FAM220A: variants seen among roughly 807,000 people sequenced by gnomAD.
The protein encoded by FAM220A is family with sequence similarity 220 member A, also known as protein FAM220A.
For synonymous variants in FAM220A, 141 were observed against 130.7 expected, an observed-to-expected ratio of 1.08 and a Z score of -0.54; for missense variants, 392 against 321.6, an observed-to-expected ratio of 1.22 and a Z score of -1.68.
At position 6,339,490 on chromosome 7, in the gene FAM220A, GT is replaced by G. The variant is rs370591012; in HGVS notation, c.-81-8256del. On this transcript the variant is annotated intron_variant, in intron 1 of 1. Transcript: ENST00000313324. ...AAACCAGCTGTGTACCCCTTTTTTT[GT>G]TTTTTTTTTTGAGACGGAGTCTCGC... Among the ~76,000 whole-genome samples the G allele has an allele frequency of 6.6e-4, 97 of 145,952 alleles. 1 individual carries two copies. The highest frequency in any genetic ancestry group is 3.5e-3 in the Middle Eastern group (1 of 282).
intron 1 of FAM220A, chr7:6,342,041 C>T (rs540634279): frequency 3.9e-5 from 6 of 152,102 alleles, no homozygotes; most frequent in South Asian, 2.1e-4. Flanking sequence ...ATTCAAGATT[C>T]TAAAGATTTT....
Position 6,330,565 on chromosome 7 carries a change from T to A in FAM220A, c.590A>T (p.His197Leu), listed in dbSNP as rs766419414. Reference sequence around the variant, plus strand: ...ACTCAGGAGCACTTCGGGATACACGTGCAGCGTTGCAGACAGGATGGAGTG... The same window carrying A: ...ACTCAGGAGCACTTCGGGATACACGAGCAGCGTTGCAGACAGGATGGAGTG... Reference protein sequence around the residue: ...CLHSILSATLHVYPEVLLSEE... With the variant: ...CLHSILSATLLVYPEVLLSEE... The change falls in exon 2 of 2, where the codon CAC becomes CTC. Residue 197 changes from histidine to leucine, a missense_variant. Transcript: ENST00000313324. 6 of 1,614,186 alleles carry A rather than the reference T, an allele frequency of 3.7e-6. No homozygotes were observed. The highest frequency in any genetic ancestry group is 5.1e-6 in the Non-Finnish European group (6 of 1,180,034).
intron 1 of FAM220A, among the ~76,000 whole-genome samples, chr7:6,333,991 C>T (rs1781695587): frequency 3.3e-5 from 5 of 151,290 alleles, no homozygotes; most frequent in Admixed American, 6.6e-5. Context: ...GGACTACAGG[C>T]ACCCGCCACC....
chr7:6,340,344 CA>C (rs1781827672), intron 1 of FAM220A, among the ~76,000 whole-genome samples: 1 of 152,126 alleles, frequency 6.6e-6, no homozygotes, highest in East Asian at 1.9e-4. Flanking sequence ...CAGGGAAGGA[CA>C]AAACGCTGCT....
intron 1 of FAM220A, among the ~76,000 whole-genome samples, chr7:6,332,113 GAA>G (rs35433559): frequency 0.017 from 2,157 of 129,086 alleles, 49 homozygotes; most frequent in African/African-American, 0.056. Flanking sequence ...CCATCTCACG[GAA>G]AAAAAAAAAA....
chr7:6,340,102 C>T (rs556822560), intron 1 of FAM220A, among the ~76,000 whole-genome samples: 2 of 152,110 alleles, frequency 1.3e-5, no homozygotes, highest in South Asian at 4.2e-4. Context: ...CCAGGCTGGT[C>T]TCAAACTCCT....
At chr7:6,348,425 C>A (rs1198282994) in intron 1 of FAM220A, 148 bp downstream of exon 1, 2 of 396,100 alleles carry the variant, frequency 5.0e-6, no homozygotes, top group East Asian at 7.2e-5. Context: ...CTCAGTGGAT[C>A]TCCCCAAAGT....
chr7:6,342,182 CCTTT>C (rs1433325499), intron 1 of FAM220A, among the ~76,000 whole-genome samples: 1 of 152,070 alleles, frequency 6.6e-6, no homozygotes, highest in African/African-American at 2.4e-5. Context: ...CATTTTCTTT[CCTTT>C]CTTTTTTCTT....
In FAM220A at chr7:6,330,474, G is replaced by T; in HGVS notation, c.681C>A (p.Phe227Leu). Reference protein sequence around the residue: ...KPMFSKQTIEFKKMLKSTSDG... With the variant: ...KPMFSKQTIELKKMLKSTSDG... ...CTGAGGTGCTTTTAAGCATTTTCTT[G>T]AATTCTATTGTTTGCTTTGAAAACA... The change falls in exon 2 of 2, where the codon TTC (phenylalanine) becomes TTA (leucine). Residue 227 changes from phenylalanine (F) to leucine (L), a missense_variant. Phe to Leu is a conservative substitution (Grantham distance 22, BLOSUM62 0). Coordinates refer to ENST00000313324, the MANE Select transcript of FAM220A (RefSeq NM_001037163.2). The T allele has an allele frequency of 6.2e-7, 1 of 1,614,126 alleles. No individual in the cohort carries two copies. The highest frequency in any genetic ancestry group is 1.1e-5 in the South Asian group (1 of 91,078).
At chr7:6,347,030 GAA>G (rs1781964864) in intron 1 of FAM220A, among the ~76,000 whole-genome samples, 1 of 152,136 alleles carries the variant, frequency 6.6e-6, no homozygotes, top group Non-Finnish European at 1.5e-5. Context: ...CCTTCCACTA[GAA>G]AAAGTCATCT....
chr7:6,331,591 G>A lies in FAM220A; in HGVS notation c.-81-356C>T, dbSNP rs116161946. Among the ~76,000 whole-genome samples, 1,105 of 152,170 alleles carry A rather than the reference G, an allele frequency of 7.3e-3. 12 individuals carry two copies. The highest frequency in any genetic ancestry group is 0.025 in the African/African-American group (1,051 of 41,544). On this transcript the variant is annotated intron_variant, in intron 1 of 1. Transcript: ENST00000313324. ...GAGACAAGGTTTCACCAAGTTAGCTGGGATGGTCTCCATCTCCTGACCTCA... is the reference window on the plus strand; with the variant it reads ...GAGACAAGGTTTCACCAAGTTAGCTAGGATGGTCTCCATCTCCTGACCTCA...
chr7:6,340,846 C>T (rs1781838749), intron 1 of FAM220A, among the ~76,000 whole-genome samples: 1 of 144,600 alleles, frequency 6.9e-6, no homozygotes, highest in African/African-American at 2.6e-5. Flanking sequence ...TGGCAGTGAG[C>T]CGAGATGGCG....
chr7:6,347,067 CTG>C (rs961434587), intron 1 of FAM220A, among the ~76,000 whole-genome samples: 2 of 152,182 alleles, frequency 1.3e-5, no homozygotes, highest in African/African-American at 4.8e-5. Flanking sequence ...TGGGTTCTGA[CTG>C]TAATCCTAGT....
At chr7:6,340,595 T>G (rs1217256981) in intron 1 of FAM220A, among the ~76,000 whole-genome samples, 4 of 151,808 alleles carry the variant, frequency 2.6e-5, no homozygotes, top group Non-Finnish European at 5.9e-5. Context: ...GGAGGGCAGG[T>G]TGACAATGAC....
In FAM220A at chr7:6,334,437, G is replaced by A. The variant is rs571066947; in HGVS notation, c.-81-3202C>T. Among the ~76,000 whole-genome samples the A allele has an allele frequency of 1.5e-3, 235 of 151,938 alleles. 1 individual carries two copies. Among genetic ancestry groups the A allele is most frequent in the Non-Finnish European group, 2.6e-3 (176 of 67,984 alleles). ...TGTAGTCCCTGCTACTCGGGAGGGT[G>A]AGGCAGGAGAACAGCTTGAGTCCCA... On this transcript the variant is annotated intron_variant, in intron 1 of 1. Transcript: ENST00000313324.
Position 6,330,826 on chromosome 7 carries a change from G to A in FAM220A, c.329C>T (p.Pro110Leu), listed in dbSNP as rs1158525717. Residue 110 changes from proline to leucine, a missense_variant, in exon 2 of 2, where the codon CCA becomes CTA. Pro to Leu is a moderately conservative substitution (Grantham distance 98). Transcript: ENST00000313324. The stretch of plus-strand genomic sequence containing the variant: ...GGACACCCGAGCAAAACACTCTGTT[G>A]GAGCAGGGAACAAACCCACGGCTGT... ...PSTAVGLFPAPTECFARVSCS... is the reference protein window; with the variant it reads ...PSTAVGLFPALTECFARVSCS... 3 of 1,614,200 alleles carry A rather than the reference G, an allele frequency of 1.9e-6. No individual in the cohort carries two copies. Among genetic ancestry groups the A allele is most frequent in the Non-Finnish European group, 8.5e-7 (1 of 1,180,042 alleles).
intron 1 of FAM220A, among the ~76,000 whole-genome samples, chr7:6,337,540 G>A (rs1220067425): frequency 6.6e-6 from 1 of 151,664 alleles, no homozygotes; most frequent in Non-Finnish European, 1.5e-5. Context: ...TCAGAAAGGT[G>A]AAACATTTCT....
intron 1 of FAM220A, among the ~76,000 whole-genome samples, chr7:6,345,702 G>A (rs944267378): frequency 7.2e-5 from 11 of 152,066 alleles, no homozygotes; most frequent in Non-Finnish European, 1.3e-4. Context: ...GCCAAATACA[G>A]CCTGTAGACA....
At position 6,330,737 on chromosome 7, in the gene FAM220A, C is replaced by A. The variant is rs574202041; in HGVS notation, c.418G>T (p.Gly140Cys). The stretch of plus-strand genomic sequence containing the variant: ...CCTTTGGGGCACTGTCCTCTGTGGC[C>A]GTCAGTGGCCCTGGGCCCTCCTCCC... ...WLGGGPRATD[G>C]HRGQCPKGEP... Residue 140 changes from glycine (G) to cysteine (C), a missense_variant, in exon 2 of 2, where the codon GGC becomes TGC. By Grantham distance (159) the Gly-to-Cys change is radical (BLOSUM62 -3). Transcript: ENST00000313324. 6.2e-7 allele frequency: 1 copy of A among 1,614,148 alleles called. No individual in the cohort carries two copies. The highest frequency in any genetic ancestry group is 8.5e-7 in the Non-Finnish European group (1 of 1,180,030).
Sources: allele counts gnomAD v4.1 joint callset (sites outside exome capture counted in the v4.1 genomes callset), GRCh38; gene constraint gnomAD v4.1.1; transcripts MANE v1.5; gene names NCBI Gene and HGNC (gene_info 2026-07-23, HGNC 2026-07-21).